LRP1B: variants seen among roughly 807,000 people sequenced by gnomAD.
LRP1B encodes the protein low-density lipoprotein receptor-related protein 1B.
Under a neutral mutation model 556.6 loss-of-function variants are expected in LRP1B, and 217 were observed. The observed-to-expected ratio is 0.39, with a 90% confidence interval of 0.35 to 0.44. The LOEUF is 0.44. Among genes scored for constraint, LRP1B ranks in the 20% least tolerant of loss-of-function variants. LRP1B has a pLI of 1.00. For missense variants in LRP1B, 5,053 were observed against 5,620.8 expected, an observed-to-expected ratio of 0.90 and a Z score of 3.23; for synonymous variants, 2,047 against 1,865.8, an observed-to-expected ratio of 1.10 and a Z score of -2.50.
intron 49 of LRP1B, among the ~76,000 whole-genome samples, chr2:140,523,417 C>T: frequency 6.6e-6 from 1 of 151,908 alleles, no homozygotes; most frequent in Non-Finnish European, 1.5e-5. Flanking sequence ...AAGCCCAAAG[C>T]CAATCTCAAA....
At chr2:140,711,381 G>T (rs558877033) in intron 37 of LRP1B, among the ~76,000 whole-genome samples, 1 of 151,836 alleles carries the variant, frequency 6.6e-6, no homozygotes, top group Non-Finnish European at 1.5e-5. Context: ...GAGCTGTGTT[G>T]GTCACTCATA....
chr2:141,796,578 C>CTTTTTTT (rs75317117), intron 2 of LRP1B, among the ~76,000 whole-genome samples: 2 of 127,576 alleles, frequency 1.6e-5, no homozygotes, highest in African/African-American at 2.9e-5. Flanking sequence ...GCATTTTATT[C>CTTTTTTT]TTTTTTTTTT....
At chr2:141,702,955 T>C (rs1355286542) in intron 2 of LRP1B, among the ~76,000 whole-genome samples, 1 of 151,896 alleles carries the variant, frequency 6.6e-6, no homozygotes, top group Non-Finnish European at 1.5e-5. Flanking sequence ...AGTGAGCTCA[T>C]TAAAAGAAAG....
chr2:140,748,121 ATATATATATATATAT>A lies in LRP1B; in HGVS notation c.5758+21077_5758+21091del, dbSNP rs1559093608. ...TATATATATATATATATATATATAT[ATATATATATATATAT>A]AATTCATATATATGTGTGTATATAT... is the stretch of plus-strand genomic sequence containing the variant. On this transcript the variant is annotated intron_variant, in intron 35 of 90. Coordinates refer to ENST00000389484, the MANE Select transcript of LRP1B (RefSeq NM_018557.3). Among the ~76,000 whole-genome samples, 449 of 125,742 alleles carry A rather than the reference ATATATATATATATAT, an allele frequency of 3.6e-3. 8 individuals are homozygous for A. The highest frequency in any genetic ancestry group is 8.2e-3 in the African/African-American group (263 of 32,050). 82.5% of individuals were successfully genotyped at this position (125,742 alleles called of 152,430 possible). A position where few individuals can be genotyped will look rare whatever the true frequency, so the allele number is the denominator to read the frequency against.
chr2:140,742,265 T>C (rs1421161858), intron 35 of LRP1B, among the ~76,000 whole-genome samples: 2 of 152,150 alleles, frequency 1.3e-5, no homozygotes, highest in Non-Finnish European at 2.9e-5. Flanking sequence ...CGAAAGGGAT[T>C]ATTGAAAGTT....
chr2:140,830,129 A>G (rs1316828618), intron 31 of LRP1B, among the ~76,000 whole-genome samples: 2 of 151,834 alleles, frequency 1.3e-5, no homozygotes, highest in Admixed American at 6.6e-5. Context: ...TACTCCATCA[A>G]AAAAAACCCC....
At chr2:140,600,831 A>AT (rs1237613338) in intron 42 of LRP1B, among the ~76,000 whole-genome samples, 11 of 119,008 alleles carry the variant, frequency 9.2e-5, no homozygotes, top group South Asian at 2.7e-4. Flanking sequence ...CCAAAACACA[A>AT]TTTTTTTCTT....
At chr2:141,968,880 C>T (rs1165680796) in intron 1 of LRP1B, among the ~76,000 whole-genome samples, 1 of 151,656 alleles carries the variant, frequency 6.6e-6, no homozygotes, top group East Asian at 1.9e-4. Context: ...AATCGGCTCT[C>T]AAAAATGAGA....
At chr2:142,072,805 G>A (rs2104914576) in intron 1 of LRP1B, among the ~76,000 whole-genome samples, 1 of 152,126 alleles carries the variant, frequency 6.6e-6, no homozygotes, top group African/African-American at 2.4e-5. Context: ...TAGTGGGTAT[G>A]TATTAAATGA....
intron 2 of LRP1B, among the ~76,000 whole-genome samples, chr2:141,547,411 C>A (rs1306786623): frequency 6.7e-6 from 1 of 149,844 alleles, no homozygotes; most frequent in Non-Finnish European, 1.5e-5. Context: ...CAGAGGTAGT[C>A]TTTTAAAAAC....
chr2:140,570,309 A>T (rs1681277985), intron 43 of LRP1B, among the ~76,000 whole-genome samples: 1 of 151,638 alleles, frequency 6.6e-6, no homozygotes, highest in Admixed American at 6.6e-5. Flanking sequence ...AAAAAAAAAC[A>T]AAAGACCCCA....
At chr2:141,681,429 G>C (rs560551642) in intron 2 of LRP1B, among the ~76,000 whole-genome samples, 1 of 151,972 alleles carries the variant, frequency 6.6e-6, no homozygotes, top group East Asian at 1.9e-4. Context: ...CAATCCTAGA[G>C]TTTTCCAAAT....
chr2:141,115,461 T>TTTTG (rs1553461949), intron 7 of LRP1B, among the ~76,000 whole-genome samples: 2 of 145,548 alleles, frequency 1.4e-5, no homozygotes, highest in African/African-American at 5.2e-5. Context: ...TGTTTTTGTT[T>TTTTG]TTTTTTTTTT....
intron 53 of LRP1B, 50 bp downstream of exon 53, chr2:140,506,746 A>G: frequency 6.4e-7 from 1 of 1,567,868 alleles, no homozygotes; most frequent in Non-Finnish European, 8.6e-7. Context: ...ACTAGTTTTG[A>G]AAGACTCTTA....
intron 43 of LRP1B, among the ~76,000 whole-genome samples, chr2:140,594,272 T>C (rs147022635): frequency 4.5e-4 from 68 of 152,276 alleles, no homozygotes; most frequent in African/African-American, 1.6e-3. Context: ...GCCTGGCCCA[T>C]GTTAAAAAAA....
At position 141,315,882 on chromosome 2, in the gene LRP1B, CTTTTTTTTTTT is replaced by C. The variant is rs70991157; in HGVS notation, c.344-61252_344-61242del. 4.9e-3 allele frequency among the ~76,000 whole-genome samples: 89 copies of C among 18,138 alleles called. 1 individual carries two copies. The highest frequency in any genetic ancestry group is 0.019 in the African/African-American group (81 of 4,222). The allele number at this position is 18,138 out of a possible 152,430, so 11.9% of individuals were successfully genotyped here. ...GAAAATCCTCTATCTTTAGTCTGGT[CTTTTTTTTTTT>C]TTTTTTTTTTTTTTTTTTTTTTTTA... On this transcript the variant is annotated intron_variant, in intron 3 of 90. Coordinates refer to ENST00000389484, the MANE Select transcript of LRP1B (RefSeq NM_018557.3).
At chr2:141,927,378 C>T (rs902992322) in intron 1 of LRP1B, among the ~76,000 whole-genome samples, 1 of 151,914 alleles carries the variant, frequency 6.6e-6, no homozygotes, top group Non-Finnish European at 1.5e-5. Context: ...AAAAAGTAAA[C>T]GATATTTTTA....
intron 21 of LRP1B, among the ~76,000 whole-genome samples, chr2:140,916,948 A>C (rs865806085): frequency 1.3e-5 from 2 of 152,222 alleles, no homozygotes; most frequent in Non-Finnish European, 2.9e-5. Flanking sequence ...ATGTCAGTGC[A>C]TTATAATGAC....
At chr2:141,153,115 T>C (rs182648149) in intron 7 of LRP1B, among the ~76,000 whole-genome samples, 100 of 148,494 alleles carry the variant, frequency 6.7e-4, no homozygotes, top group Non-Finnish European at 4.9e-4. Flanking sequence ...TCCACACTTA[T>C]TTAAATTTGT....
Sources: gnomAD v4.1 joint callset for allele counts (sites outside exome capture counted in the v4.1 genomes callset) on GRCh38, gnomAD v4.1.1 for gene constraint, MANE v1.5 for transcripts, NCBI Gene and HGNC (gene_info 2026-07-23, HGNC 2026-07-21) for gene names.